Variants in DPY19L2 observed in about 807,000 individuals in gnomAD.
DPY19L2 encodes probable C-mannosyltransferase DPY19L2.
In DPY19L2, 34 loss-of-function variants were observed where a neutral mutation model predicts 97.9. The ratio of observed to expected loss-of-function variants is 0.35; its 90% CI spans 0.26 to 0.46. The LOEUF is 0.46. Among genes scored for constraint, DPY19L2 ranks in the 20% least tolerant of loss-of-function variants. DPY19L2 has a pLI of 1.00. For synonymous variants in DPY19L2, 230 were observed against 307.9 expected (o/e 0.75, Z 2.65); for missense variants, 623 against 911.4 (o/e 0.68, Z 4.07).
intron 15 of DPY19L2, 57 bp from the exon 16 acceptor site, chr12:63,594,190 T>C: frequency 2.4e-6 from 3 of 1,258,922 alleles, no homozygotes; most frequent in Non-Finnish European, 3.3e-6. Context: ...ATATTTAAAA[T>C]GCTCTGATTC....
intron 4 of DPY19L2, among the ~76,000 whole-genome samples, chr12:63,648,696 C>T (rs1310688068): frequency 6.6e-6 from 1 of 151,938 alleles, no homozygotes; most frequent in East Asian, 1.9e-4. Flanking sequence ...GGTGCCTTCC[C>T]CCTTTTCCCC....
At chr12:63,586,684 A>C (rs1436961094) in intron 16 of DPY19L2, among the ~76,000 whole-genome samples, 2 of 152,220 alleles carry the variant, frequency 1.3e-5, no homozygotes, top group Admixed American at 1.3e-4. Flanking sequence ...TTATTGAGTT[A>C]ATACTGGTAA....
chr12:63,666,656 T>C (rs4763105), intron 1 of DPY19L2: 153,635 of 214,568 alleles, frequency 0.72, 55,701 homozygotes, highest in East Asian at 0.87. Context: ...TGAATTAATG[T>C]CCTTTAGATT....
At chr12:63,591,247 A>C (rs1271983504) in intron 16 of DPY19L2, 1 of 297,098 alleles carries the variant, frequency 3.4e-6, no homozygotes, top group African/African-American at 2.1e-5. Flanking sequence ...TAAAAATACA[A>C]GCATGGAGTA....
chr12:63,600,099 C>A (rs572552002), intron 13 of DPY19L2, among the ~76,000 whole-genome samples: 1 of 152,234 alleles, frequency 6.6e-6, no homozygotes, highest in Non-Finnish European at 1.5e-5. Context: ...GGCAAGTCAG[C>A]ATTCATGAAT....
chr12:63,610,440 T>TA (rs949956352), intron 11 of DPY19L2, among the ~76,000 whole-genome samples: 38 of 151,756 alleles, frequency 2.5e-4, no homozygotes, highest in African/African-American at 8.5e-4. Context: ...TTTCTCACCC[T>TA]AAAAAACTAA....
In DPY19L2 at chr12:63,608,557, A is replaced by C. The variant is rs1345780709; in HGVS notation, c.1278+59T>G. 4.9e-5 allele frequency: 71 copies of C among 1,445,702 alleles called. 1 individual carries two copies. Among genetic ancestry groups the C allele is most frequent in the Admixed American group, 5.7e-5 (3 of 52,740 alleles). The allele number at this position is 1,445,702 out of a possible 1,614,324, so 89.6% of individuals were successfully genotyped here. On this transcript the variant is annotated intron_variant, in intron 12 of 21. Coordinates refer to ENST00000324472, the MANE Select transcript of DPY19L2 (RefSeq NM_173812.5). ...ATTTTAAAGCATATTAACTGTGTTC[A>C]GTTTATAGAAATAAAAAGTAGAATT... is the stretch of plus-strand genomic sequence containing the variant.
chr12:63,658,690 T>C (rs1337429064), intron 4 of DPY19L2, among the ~76,000 whole-genome samples: 2 of 152,170 alleles, frequency 1.3e-5, no homozygotes, highest in Non-Finnish European at 1.5e-5. Context: ...CTCTGTGTGA[T>C]GTGACTTGTC....
chr12:63,590,751 G>A (rs1882753305), intron 16 of DPY19L2, among the ~76,000 whole-genome samples: 1 of 152,044 alleles, frequency 6.6e-6, no homozygotes, highest in African/African-American at 2.4e-5. Flanking sequence ...ATCTAAGAGA[G>A]GGGAGTATTC....
chr12:63,609,459 GAAT>G (rs1334702363), intron 11 of DPY19L2, among the ~76,000 whole-genome samples: 1 of 152,232 alleles, frequency 6.6e-6, no homozygotes, highest in African/African-American at 2.4e-5. Flanking sequence ...AAACCCTCAT[GAAT>G]GGGATTAGTG....
In DPY19L2 at chr12:63,560,362, T is replaced by C. The variant is rs1876232714; in HGVS notation, c.*150A>G. 1.0e-6 allele frequency: 1 copy of C among 972,136 alleles called. No individual in the cohort carries two copies. Among genetic ancestry groups the C allele is most frequent in the Admixed American group, 3.3e-5 (1 of 30,156 alleles). 60.2% of individuals were successfully genotyped at this position (972,136 alleles called of 1,614,324 possible). A position where few individuals can be genotyped will look rare whatever the true frequency, so the allele number is the denominator to read the frequency against. The stretch of plus-strand genomic sequence containing the variant: ...CAATGAACAGAAAAGTAATTTACCT[T>C]TTAGTAATCAGAAAAATTTCCAATC... On this transcript the variant is annotated 3_prime_UTR_variant, in exon 22 of 22. Transcript: ENST00000324472.
chr12:63,591,983 AGGGAAGGGAAGGGAG>A (rs1883045889), intron 16 of DPY19L2, among the ~76,000 whole-genome samples: 2 of 45,422 alleles, frequency 4.4e-5, no homozygotes, highest in African/African-American at 1.3e-4. Context: ...AAAGAGGGGA[AGGGAAGGGAAGGGAG>A]GGGAAGGGAG....
chr12:63,564,848 A>T (rs1450582887), intron 21 of DPY19L2, among the ~76,000 whole-genome samples: 2 of 109,334 alleles, frequency 1.8e-5, no homozygotes, highest in African/African-American at 5.0e-5. Context: ...TATACTGTAG[A>T]TTTGTCTATT....
At chr12:63,566,826 T>C (rs1877806878) in intron 21 of DPY19L2, among the ~76,000 whole-genome samples, 1 of 151,306 alleles carries the variant, frequency 6.6e-6, no homozygotes, top group African/African-American at 2.4e-5. Context: ...TGCTGGGTCT[T>C]AGGTTAGTTA....
In DPY19L2 at chr12:63,665,820, G is replaced by A; in HGVS notation, c.362+15C>T. On this transcript the variant is annotated intron_variant, in intron 2 of 21. Transcript: ENST00000324472. Reference sequence around the variant, plus strand: ...CAAATGTTTTTAAATATTTCAAACTGAAACTAAATCTTACCAATGTAAAAT... The same window carrying A: ...CAAATGTTTTTAAATATTTCAAACTAAAACTAAATCTTACCAATGTAAAAT... 6.4e-7 allele frequency: 1 copy of A among 1,572,148 alleles called. No homozygotes were observed. Among genetic ancestry groups the A allele is most frequent in the Non-Finnish European group, 8.7e-7 (1 of 1,155,256 alleles).
chr12:63,573,045 C>A (rs1185110269), intron 19 of DPY19L2, among the ~76,000 whole-genome samples: 1 of 151,964 alleles, frequency 6.6e-6, no homozygotes, highest in East Asian at 1.9e-4. Context: ...CAGACACCGA[C>A]AAACATCCAC....
chr12:63,595,590 G>A (rs1305040055), intron 15 of DPY19L2, among the ~76,000 whole-genome samples: 1 of 152,044 alleles, frequency 6.6e-6, no homozygotes. Context: ...TTCTTTCATA[G>A]CACCTATAAA....
chr12:63,647,427 A>G lies in DPY19L2; in HGVS notation c.589-62T>C, dbSNP rs1384227000. On this transcript the variant is annotated intron_variant, in intron 4 of 21. Coordinates refer to ENST00000324472, the MANE Select transcript of DPY19L2 (RefSeq NM_173812.5). ...AATACATTCTCTTCATAATAATAAT[A>G]ATAATAATATATACCATGGAATACT... The G allele has an allele frequency of 2.9e-6, 2 of 696,920 alleles. 1 individual carries two copies. Among genetic ancestry groups the G allele is most frequent in the Admixed American group, 7.0e-5 (2 of 28,742 alleles). The allele number at this position is 696,920 out of a possible 1,614,324, so 43.2% of individuals were successfully genotyped here. A position where few individuals can be genotyped will look rare whatever the true frequency, so the allele number is the denominator to read the frequency against.
At chr12:63,561,711 T>G (rs1432850959) in intron 21 of DPY19L2, among the ~76,000 whole-genome samples, 1 of 151,366 alleles carries the variant, frequency 6.6e-6, no homozygotes, top group Non-Finnish European at 1.5e-5. Flanking sequence ...TTTGAGTTTT[T>G]GGTGACCATG....
Sources: gnomAD v4.1 joint callset for allele counts (sites outside exome capture counted in the v4.1 genomes callset) on GRCh38, gnomAD v4.1.1 for gene constraint, MANE v1.5 for transcripts, NCBI Gene and HGNC (gene_info 2026-07-23, HGNC 2026-07-21) for gene names.